PDZD2: variants seen among roughly 807,000 people sequenced by gnomAD.
PDZD2 encodes PDZ domain containing 2.
In PDZD2, 90 loss-of-function variants were observed where a neutral mutation model predicts 220.7. The observed-to-expected ratio is 0.41, with a 90% CI of 0.34 to 0.49. The LOEUF is 0.49. PDZD2 is among the 20% of genes least tolerant of loss of function. The probability of loss-of-function intolerance (pLI) is 0.28; values close to 1 mark genes in which losing one functional copy is unlikely to be tolerated. For missense variants in PDZD2, 3,174 were observed against 3,608.5 expected (o/e 0.88, Z 3.08); for synonymous variants, 1,375 against 1,450.5 (o/e 0.95, Z 1.18).
Position 31,799,338 on chromosome 5 carries a change from G to A in PDZD2, c.90G>A (p.Pro30=), listed in dbSNP as rs754925425. The A allele has an allele frequency of 2.7e-5, 44 of 1,614,178 alleles. No homozygotes were observed. The highest frequency in any genetic ancestry group is 6.7e-5 in the East Asian group (3 of 44,874). Reference sequence around the variant, plus strand: ...GCCTGCAGGAAGGTGGGGATGGGCCGGAGCAGCGGCTCTGCCAGGCGGCCA... The same window carrying A: ...GCCTGCAGGAAGGTGGGGATGGGCCAGAGCAGCGGCTCTGCCAGGCGGCCA... ...QNSLQEGGDG[P]EQRLCQAAIQ... Residue 30 remains proline (P), a synonymous_variant, in exon 2 of 25, where the codon CCG becomes CCA. Coordinates refer to ENST00000438447, the MANE Select transcript of PDZD2 (RefSeq NM_178140.4).
rs1432129056 is a variant in PDZD2 at position 31,799,061 on chromosome 5, T to A, written c.-188T>A. 3.4e-6 allele frequency: 2 copies of A among 579,994 alleles called. No homozygotes were observed. The highest frequency in any genetic ancestry group is 3.7e-5 in the African/African-American group (2 of 53,668). The allele number at this position is 579,994 out of a possible 1,614,324, so 35.9% of individuals were successfully genotyped here. ...TTGTTCCACAGTTGTTCTAATTGGG[T>A]CCTAGCTTCCTCCTGCCAAGGCAAA... On this transcript the variant is annotated 5_prime_UTR_variant, in exon 2 of 25. Coordinates refer to ENST00000438447, the MANE Select transcript of PDZD2 (RefSeq NM_178140.4).
At chr5:31,651,256 C>A (rs1745337938) in intron 1 of PDZD2, among the ~76,000 whole-genome samples, 1 of 152,002 alleles carries the variant, frequency 6.6e-6, no homozygotes, top group Non-Finnish European at 1.5e-5. Flanking sequence ...GTGTATCTGG[C>A]AAATATAGCT....
chr5:31,797,570 C>A (rs576094970), intron 1 of PDZD2, among the ~76,000 whole-genome samples: 1 of 150,322 alleles, frequency 6.7e-6, no homozygotes, highest in East Asian at 2.0e-4. Context: ...CCTGACCTTG[C>A]GATCCTCCCG....
rs368237088 is a variant in PDZD2, at chr5:31,983,655, G to A, written c.977G>A (p.Arg326Gln). ...TTCCAATCGAGTGACTGCCTGGCAC[G>A]GGTAAGGTTTGGTTTGATTATGGAA... ...TDFQSSDCLA[R>Q]EEVGRIWKME... Residue 326 changes from arginine (R) to glutamine (Q), a missense_variant and splice_region_variant, in exon 3 of 25, where the codon CGG (arginine) becomes CAG (glutamine). This residue lies in a region of PDZD2 where 632 missense variants were observed against 708.1 expected (regional missense o/e 0.89). Coordinates refer to ENST00000438447, the MANE Select transcript of PDZD2 (RefSeq NM_178140.4). 3.4e-5 allele frequency: 55 copies of A among 1,611,534 alleles called. No homozygotes were observed. The highest frequency in any genetic ancestry group is 6.6e-5 in the South Asian group (6 of 90,822).
At chr5:31,971,442 C>T (rs1749290393) in intron 2 of PDZD2, among the ~76,000 whole-genome samples, 1 of 152,230 alleles carries the variant, frequency 6.6e-6, no homozygotes, top group African/African-American at 2.4e-5. Flanking sequence ...TGCCTCACCT[C>T]TTAATGCTAT....
rs548937499 is a variant in PDZD2 at position 31,799,427 on chromosome 5, A to G, written c.179A>G (p.Asp60Gly). Reference protein sequence around the residue: ...FAVDESTVPPDHSPPEMEICT... With the variant: ...FAVDESTVPPGHSPPEMEICT... Reference sequence around the variant, plus strand: ...GTGGATGAGAGTACGGTCCCACCTGATCACAGCCCCCCCGAAATGGAGATC... The same window carrying G: ...GTGGATGAGAGTACGGTCCCACCTGGTCACAGCCCCCCCGAAATGGAGATC... The change falls in exon 2 of 25, where the codon GAT becomes GGT. Residue 60 changes from aspartate (D) to glycine (G), a missense_variant. Asp to Gly is a moderately conservative substitution (Grantham distance 94, BLOSUM62 -1). Around this residue, in one of 4 missense-constraint regions of PDZD2, gnomAD observed 632 missense variants for 708.1 expected, o/e 0.89. Transcript: ENST00000438447. 1.2e-6 allele frequency: 2 copies of G among 1,614,194 alleles called. No individual in the cohort carries two copies. The highest frequency in any genetic ancestry group is 2.7e-5 in the African/African-American group (2 of 75,052).
intron 1 of PDZD2, among the ~76,000 whole-genome samples, chr5:31,644,611 G>A (rs868839061): frequency 3.3e-5 from 5 of 152,092 alleles, no homozygotes; most frequent in South Asian, 2.1e-4. Context: ...GCCTACCCCC[G>A]GCCGTGGCTT....
At chr5:31,702,091 C>T (rs1455520488) in intron 1 of PDZD2, among the ~76,000 whole-genome samples, 1 of 152,230 alleles carries the variant, frequency 6.6e-6, no homozygotes, top group Non-Finnish European at 1.5e-5. Context: ...TCTCTCTATC[C>T]CCAACATCCC....
At chr5:31,765,883 A>G (rs950054197) in intron 1 of PDZD2, among the ~76,000 whole-genome samples, 6 of 152,176 alleles carry the variant, frequency 3.9e-5, no homozygotes, top group African/African-American at 1.4e-4. Context: ...GTAAATTAAG[A>G]TTCTGAGACC....
Position 31,752,068 on chromosome 5 carries a change from G to GTTTTTTTTTTTTTTTTTTTTTT in PDZD2, c.-360-46821_-360-46820insTTTTTTTTTTTTTTTTTTTTTT, listed in dbSNP as rs1251840861. Among the ~76,000 whole-genome samples the GTTTTTTTTTTTTTTTTTTTTTT allele has an allele frequency of 5.9e-4, 57 of 95,932 alleles. 14 individuals are homozygous for GTTTTTTTTTTTTTTTTTTTTTT. Among genetic ancestry groups the GTTTTTTTTTTTTTTTTTTTTTT allele is most frequent in the African/African-American group, 1.2e-3 (27 of 22,062 alleles). The allele number at this position is 95,932 out of a possible 152,430, so 62.9% of individuals were successfully genotyped here. ...TTTGTTTGTTTGTTTTATTGTTTTG[G>GTTTTTTTTTTTTTTTTTTTTTT]GTTTGTTTTTTTTTTTTTTTTTCTG... On this transcript the variant is annotated intron_variant, in intron 1 of 24. Coordinates refer to ENST00000438447, the MANE Select transcript of PDZD2 (RefSeq NM_178140.4).
intron 2 of PDZD2, among the ~76,000 whole-genome samples, chr5:31,960,362 A>G (rs971741320): frequency 1.3e-5 from 2 of 151,822 alleles, no homozygotes; most frequent in South Asian, 4.2e-4. Context: ...GGATTACAGG[A>G]TTACACCACT....
intron 18 of PDZD2, among the ~76,000 whole-genome samples, chr5:32,075,718 C>T (rs1741222623): frequency 6.6e-6 from 1 of 152,062 alleles, no homozygotes; most frequent in Non-Finnish European, 1.5e-5. Context: ...AATAACTTCT[C>T]TCTCTCTCTC....
At chr5:32,040,750 TGGG>T (rs1318374336) in intron 7 of PDZD2, among the ~76,000 whole-genome samples, 2 of 137,866 alleles carry the variant, frequency 1.5e-5, no homozygotes, top group African/African-American at 2.8e-5. Flanking sequence ...CCGCCCCGTC[TGGG>T]AGGAAGTGAG....
intron 6 of PDZD2, among the ~76,000 whole-genome samples, chr5:32,025,478 T>C (rs1398913567): frequency 1.4e-5 from 2 of 147,402 alleles, no homozygotes; most frequent in African/African-American, 5.0e-5. Context: ...TGAGCCAAGA[T>C]CGCGCCATTG....
intron 2 of PDZD2, among the ~76,000 whole-genome samples, chr5:31,850,128 G>GTATATATACGTGTATATA (rs1757935404): frequency 1.4e-5 from 1 of 69,020 alleles, no homozygotes; most frequent in African/African-American, 1.1e-4. Context: ...GTGTATATAT[G>GTATATATACGTGTATATA]TGTGTGTATA....
chr5:31,991,099 G>A (rs1470059327), intron 3 of PDZD2, among the ~76,000 whole-genome samples: 1 of 152,224 alleles, frequency 6.6e-6, no homozygotes, highest in Non-Finnish European at 1.5e-5. Context: ...GGCAGGGCTG[G>A]TTACAGAGGT....
At chr5:31,994,203 A>G (rs1751453685) in intron 3 of PDZD2, among the ~76,000 whole-genome samples, 1 of 151,636 alleles carries the variant, frequency 6.6e-6, no homozygotes, top group Non-Finnish European at 1.5e-5. Flanking sequence ...TATTTTTAGT[A>G]GAGATGTTGG....
intron 1 of PDZD2, among the ~76,000 whole-genome samples, chr5:31,699,846 G>T (rs545451488): frequency 7.9e-5 from 12 of 151,320 alleles, no homozygotes; most frequent in Non-Finnish European, 1.6e-4. Context: ...GGCCAGGCTG[G>T]TCTCAAACTC....
intron 1 of PDZD2, among the ~76,000 whole-genome samples, chr5:31,731,014 A>T (rs1221087618): frequency 6.6e-6 from 1 of 152,212 alleles, no homozygotes; most frequent in East Asian, 1.9e-4. Context: ...AATACTTCTC[A>T]TGCCTCTGTT....
Sources: gnomAD v4.1 joint callset for allele counts (sites outside exome capture counted in the v4.1 genomes callset) on GRCh38, gnomAD v4.1.1 for gene constraint, gnomAD v4.1.1 regional missense constraint, MANE v1.5 for transcripts, NCBI Gene and HGNC (gene_info 2026-07-23, HGNC 2026-07-21) for gene names.